The following AOC1 variants were observed in gnomAD, a reference collection of about 807,000 sequenced individuals.
AOC1 encodes the protein diamine oxidase [copper-containing].
Under a neutral mutation model 57.1 loss-of-function variants are expected in AOC1, and 58 were observed. That is an observed-to-expected ratio of 1.02 (90% CI 0.82 to 1.26). The LOEUF (loss-of-function observed/expected upper bound fraction) is 1.26. Ranked by LOEUF, AOC1 falls within the 50% of genes most tolerant of loss-of-function variation. The pLI is 0.00. For synonymous variants in AOC1, 401 were observed against 423.4 expected (o/e 0.95, Z 0.65); for missense variants, 917 against 1,005.3 (o/e 0.91, Z 1.19).
rs543613616 is a variant in AOC1, at chr7:150,854,832, T to C, written c.-16-1623T>C. Among the ~76,000 whole-genome samples, 6 of 152,338 alleles carry C rather than the reference T, an allele frequency of 3.9e-5. 1 individual carries two copies. The highest frequency in any genetic ancestry group is 3.4e-3 in the Middle Eastern group (1 of 294). ...CACCTCAGTTACACCTCACACCCTG[T>C]GCCGCCGACTTTCCAGGTGAAATCC... On this transcript the variant is annotated intron_variant, in intron 1 of 4. Transcript: ENST00000360937.
intron 3 of AOC1, among the ~76,000 whole-genome samples, chr7:150,859,267 C>T (rs1799892974): frequency 6.6e-6 from 1 of 152,134 alleles, no homozygotes. Flanking sequence ...TATGACTCCC[C>T]CACAACGTAA....
In AOC1 at chr7:150,856,312, C is replaced by CCATGCATAGTCCCCAGCGCCGTCGGGCCG; in HGVS notation, c.-16-141_-16-140insTGCATAGTCCCCAGCGCCGTCGGGCCGCA. ...GGCGCTGGGGACTATGCATGGGGCC[C>CCATGCATAGTCCCCAGCGCCGTCGGGCCG]CAGCTGCCCCAGGACAGCCTCCAGC... On this transcript the variant is annotated intron_variant, in intron 1 of 4. Transcript: ENST00000360937. This position sits in a 1 kb window ranked among gnomAD's most constrained non-coding sequence, Gnocchi z 5.2. 2 of 1,100,790 alleles carry CCATGCATAGTCCCCAGCGCCGTCGGGCCG rather than the reference C, an allele frequency of 1.8e-6. No individual in the cohort carries two copies. The highest frequency in any genetic ancestry group is 2.5e-6 in the Non-Finnish European group (2 of 793,244). The allele number at this position is 1,100,790 out of a possible 1,614,324, so 68.2% of individuals were successfully genotyped here.
chr7:150,860,632 A>C lies in AOC1; in HGVS notation c.1988A>C (p.Glu663Ala). 2 of 1,613,792 alleles carry C rather than the reference A, an allele frequency of 1.2e-6. No homozygotes were observed. Among genetic ancestry groups the C allele is most frequent in the South Asian group, 1.1e-5 (1 of 91,056 alleles). Reference sequence around the variant, plus strand: ...CACAACAACGAGAACATTGAAAATGAGGTACTGCCCTGTCCCCAGCCCTGC... The same window carrying C: ...CACAACAACGAGAACATTGAAAATGCGGTACTGCCCTGTCCCCAGCCCTGC... Reference protein sequence around the residue: ...FLHNNENIENEDLVAWVTVGF... With the variant: ...FLHNNENIENADLVAWVTVGF... Residue 663 changes from glutamate to alanine, a missense_variant and splice_region_variant, in exon 4 of 5, where the codon GAG becomes GCG. Coordinates refer to ENST00000360937, the MANE Select transcript of AOC1 (RefSeq NM_001091.4).
In AOC1 at chr7:150,856,160, G is replaced by A. The variant is rs1332168172; in HGVS notation, c.-16-295G>A. Among the ~76,000 whole-genome samples, 3 of 152,202 alleles carry A rather than the reference G, an allele frequency of 2.0e-5. No individual in the cohort carries two copies. Among genetic ancestry groups the A allele is most frequent in the African/African-American group, 7.2e-5 (3 of 41,444 alleles). On this transcript the variant is annotated intron_variant, in intron 1 of 4. Coordinates refer to ENST00000360937, the MANE Select transcript of AOC1 (RefSeq NM_001091.4). The surrounding 1 kb of genome is among the most constrained non-coding windows in gnomAD (Gnocchi z 5.2). ...GGCCTCTGTGACTCACGGCACCCCT[G>A]GCTGAGATAATACACAAAAACAAGG...
At chr7:150,859,274 G>A (rs555715547) in intron 3 of AOC1, among the ~76,000 whole-genome samples, 22 of 152,278 alleles carry the variant, frequency 1.4e-4, no homozygotes, top group Admixed American at 1.0e-3. Context: ...CCCCCACAAC[G>A]TAACTACGAA....
Position 150,857,337 on chromosome 7 carries a change from G to A in AOC1, c.867G>A (p.Gly289=). 6.2e-7 allele frequency: 1 copy of A among 1,602,196 alleles called. No homozygotes were observed. Among genetic ancestry groups the A allele is most frequent in the Non-Finnish European group, 8.5e-7 (1 of 1,172,616 alleles). Residue 289 remains glycine, a synonymous_variant, in exon 2 of 5, where the codon GGG becomes GGA. Coordinates refer to ENST00000360937, the MANE Select transcript of AOC1 (RefSeq NM_001091.4). This position sits in a 1 kb window ranked among gnomAD's most constrained non-coding sequence, Gnocchi z 6.6. ...PPLFSSHKPR[G]DFPSPIHVSG... ...TCTTCTCCTCCCACAAGCCCCGCGG[G>A]GACTTCCCCAGCCCCATCCATGTGA...
rs565687741 is a variant in AOC1 at position 150,860,720 on chromosome 7, C to T, written c.1989+87C>T. On this transcript the variant is annotated intron_variant, in intron 4 of 4. Coordinates refer to ENST00000360937, the MANE Select transcript of AOC1 (RefSeq NM_001091.4). ...ACCATCCTCATCACCATCAGGGAGT[C>T]CCAACCACCCTTTGCCCAGATCTGT... is the stretch of plus-strand genomic sequence containing the variant. The T allele has an allele frequency of 1.8e-5, 27 of 1,502,072 alleles. No homozygotes were observed. The African/African-American group carries it at 3.3e-4, about 18-fold the overall frequency. 93.0% of individuals were successfully genotyped at this position (1,502,072 alleles called of 1,614,324 possible).
rs199683372 is a variant in AOC1 at position 150,861,099 on chromosome 7, G to C, written c.2146G>C (p.Val716Leu). 2 of 1,614,130 alleles carry C rather than the reference G, an allele frequency of 1.2e-6. No individual in the cohort carries two copies. Among genetic ancestry groups the C allele is most frequent in the Admixed American group, 3.3e-5 (2 of 60,010 alleles). The part of the protein sequence containing the change: ...PSLASRDTVI[V>L]WPRDNGPNYV... ...CCTGGCATCCAGAGACACTGTGATC[G>C]TGTGGCCTCGGGACAACGGCCCCAA... The change falls in exon 5 of 5, where the codon GTG (valine) becomes CTG (leucine). Residue 716 changes from valine (V) to leucine (L), a missense_variant. Physicochemically the swap from Val to Leu is conservative, Grantham distance 32. Transcript: ENST00000360937. The surrounding 1 kb of genome is among the most constrained non-coding windows in gnomAD (Gnocchi z 4.5).
In AOC1 at chr7:150,858,032, A is replaced by C. The variant is rs1281375474; in HGVS notation, c.1562A>C (p.Asp521Ala). 4 of 1,515,500 alleles carry C rather than the reference A, an allele frequency of 2.6e-6. No individual in the cohort carries two copies. Among genetic ancestry groups the C allele is most frequent in the Non-Finnish European group, 2.6e-6 (3 of 1,137,536 alleles). The allele number at this position is 1,515,500 out of a possible 1,614,324, so 93.9% of individuals were successfully genotyped here. Residue 521 changes from aspartate to alanine, a missense_variant, in exon 2 of 5, where the codon GAT becomes GCT. Asp to Ala is a moderately radical substitution (Grantham distance 126, BLOSUM62 -2). Transcript: ENST00000360937. ...TTGGTGCACTACCGCGTAGACCTGGATGTGGCAGGTAGGACTCAAAGCGAG... is the reference window on the plus strand; with the variant it reads ...TTGGTGCACTACCGCGTAGACCTGGCTGTGGCAGGTAGGACTCAAAGCGAG... ...THLVHYRVDL[D>A]VAGTKNSFQT...
chr7:150,853,126 G>C (rs926632960), intron 1 of AOC1, among the ~76,000 whole-genome samples: 5 of 152,224 alleles, frequency 3.3e-5, no homozygotes, highest in African/African-American at 1.2e-4. Flanking sequence ...TTCGGAGGAA[G>C]AGGTGGAGCA....
chr7:150,860,853 C>T, intron 4 of AOC1, 90 bp from the exon 5 acceptor site: 1 of 1,507,932 alleles, frequency 6.6e-7, no homozygotes, highest in Non-Finnish European at 8.9e-7. Flanking sequence ...AGCAAGTTTC[C>T]AGGCAGAACT....
intron 2 of AOC1, 30 bp downstream of exon 2, chr7:150,858,070 A>C: frequency 6.7e-7 from 1 of 1,496,246 alleles, no homozygotes; most frequent in Non-Finnish European, 8.9e-7. Flanking sequence ...TCTCCCGTTC[A>C]AACATCTGCA....
In AOC1 at chr7:150,857,222, G is replaced by A. The variant is rs200778786; in HGVS notation, c.752G>A (p.Arg251Gln). 1.4e-5 allele frequency: 23 copies of A among 1,612,746 alleles called. No homozygotes were observed. Among genetic ancestry groups the A allele is most frequent in the Admixed American group, 5.0e-5 (3 of 59,934 alleles). Residue 251 changes from arginine (R) to glutamine (Q), a missense_variant, in exon 2 of 5, where the codon CGG becomes CAG. Coordinates refer to ENST00000360937, the MANE Select transcript of AOC1 (RefSeq NM_001091.4). This position sits in a 1 kb window ranked among gnomAD's most constrained non-coding sequence, Gnocchi z 6.6. ...TATGGGAGCCCAGAGGAACTGGCTC[G>A]GAAGTATGCAGATGGAGAGGTGGAC... ...KFYGSPEELA[R>Q]KYADGEVDVV...
chr7:150,860,449 A>AG (rs1563099696), intron 3 of AOC1, 52 bp from the exon 4 acceptor site: 3 of 1,611,904 alleles, frequency 1.9e-6, no homozygotes, highest in East Asian at 2.2e-5. Flanking sequence ...GGCAGGACTG[A>AG]GGGGGGCCAG....
rs750483994 is a variant in AOC1, at chr7:150,857,861, T to C, written c.1391T>C (p.Ile464Thr). The C allele has an allele frequency of 1.9e-6, 3 of 1,613,874 alleles. No individual in the cohort carries two copies. Among genetic ancestry groups the C allele is most frequent in the South Asian group, 1.1e-5 (1 of 91,066 alleles). ...TTSTVYNYDY[I>T]WDFIFYPNGV... ...TCAACTGTCTACAATTATGATTACA[T>C]TTGGGACTTTATCTTCTACCCCAAC... The change falls in exon 2 of 5, where the codon ATT (isoleucine) becomes ACT (threonine). Residue 464 changes from isoleucine to threonine, a missense_variant. By Grantham distance (89) the Ile-to-Thr change is moderately conservative (BLOSUM62 -1). Transcript: ENST00000360937. The surrounding 1 kb of genome is among the most constrained non-coding windows in gnomAD (Gnocchi z 6.6).
chr7:150,859,779 G>A (rs1799913111), intron 3 of AOC1: 1 of 154,240 alleles, frequency 6.5e-6, no homozygotes. Context: ...TCATCCCAAA[G>A]GTCTTTATCC....
In AOC1 at chr7:150,858,031, G is replaced by GA; in HGVS notation, c.1562dup (p.Asp521GlufsTer55). ...CTTGGTGCACTACCGCGTAGACCTG[G>GA]ATGTGGCAGGTAGGACTCAAAGCGA... On this transcript the variant is annotated frameshift_variant, in exon 2 of 5. Coordinates refer to ENST00000360937, the MANE Select transcript of AOC1 (RefSeq NM_001091.4). LOFTEE classifies it high-confidence loss of function. 2.0e-6 allele frequency: 3 copies of GA among 1,515,658 alleles called. No homozygotes were observed. Among genetic ancestry groups the GA allele is most frequent in the Non-Finnish European group, 2.6e-6 (3 of 1,137,564 alleles). 93.9% of individuals were successfully genotyped at this position (1,515,658 alleles called of 1,614,324 possible).
intron 1 of AOC1, among the ~76,000 whole-genome samples, chr7:150,853,230 C>A (rs7786420): frequency 0.2 from 29,968 of 151,988 alleles, 3,065 homozygotes; most frequent in Non-Finnish European, 0.23. Context: ...GAATATGCAG[C>A]AGCAAGAGTG....
intron 3 of AOC1, among the ~76,000 whole-genome samples, chr7:150,860,244 C>T (rs1250109336): frequency 6.8e-6 from 1 of 147,126 alleles, no homozygotes; most frequent in East Asian, 2.0e-4. Flanking sequence ...GCAGCTCACA[C>T]CTGTGTTGTG....
Sources: allele counts gnomAD v4.1 joint callset (sites outside exome capture counted in the v4.1 genomes callset), GRCh38; gene constraint gnomAD v4.1.1; non-coding constraint Gnocchi (gnomAD v3.1); transcripts MANE v1.5; gene names NCBI Gene and HGNC (gene_info 2026-07-23, HGNC 2026-07-21).